TENM2: variants seen among roughly 807,000 people sequenced by gnomAD.
The protein encoded by TENM2 is teneurin transmembrane protein 2, also known as teneurin-2.
A neutral mutation model predicts 245.2 loss-of-function variants in TENM2; 52 were observed. The ratio of observed to expected loss-of-function variants is 0.21; its 90% CI spans 0.17 to 0.27. The LOEUF is 0.27. Ranked by LOEUF, TENM2 falls within the 10% of genes least tolerant of loss-of-function variation. The pLI is 1.00. For missense variants in TENM2, 3,046 were observed against 3,666.8 expected (o/e 0.83, Z 4.37); for synonymous variants, 1,363 against 1,438.9 (o/e 0.95, Z 1.19).
chr5:168,226,063 T>C, intron 23 of TENM2, 25 bp from the exon 26 acceptor site: 1 of 1,543,560 alleles, frequency 6.5e-7, no homozygotes, highest in Non-Finnish European at 8.8e-7. Context: ...AACCAGGGTT[T>C]ATCTATCTAT....
At chr5:167,755,281 A>C in intron 2 of TENM2, 1 of 942,262 alleles carries the variant, frequency 1.1e-6, no homozygotes. Flanking sequence ...TTAACCCTTC[A>C]GCGGATACCA....
intron 7 of TENM2, among the ~76,000 whole-genome samples, chr5:168,082,814 G>T (rs1443742564): frequency 6.6e-6 from 1 of 152,156 alleles, no homozygotes; most frequent in Non-Finnish European, 1.5e-5. Context: ...TCCTCTGGAA[G>T]CTTCGTCTCA....
At chr5:167,854,964 G>A (rs575488916) in intron 2 of TENM2, among the ~76,000 whole-genome samples, 15 of 152,124 alleles carry the variant, frequency 9.9e-5, no homozygotes, top group Admixed American at 5.9e-4. Context: ...GCATCCCTTG[G>A]GTTTGTTCTT....
chr5:167,137,380 G>A, the TENM2 span, among the ~76,000 whole-genome samples: 1 of 151,942 alleles, frequency 6.6e-6, no homozygotes, highest in Non-Finnish European at 1.5e-5. Flanking sequence ...TTTTATATCA[G>A]CACTGCATAA....
intron 1 of TENM2, among the ~76,000 whole-genome samples, chr5:167,301,874 G>T (rs181789883): frequency 4.6e-5 from 7 of 152,264 alleles, no homozygotes; most frequent in Admixed American, 4.6e-4. Flanking sequence ...ACTGTAAGCC[G>T]GACCGGGTGT....
At chr5:167,739,819 A>C (rs1283670577) in intron 2 of TENM2, among the ~76,000 whole-genome samples, 1 of 152,160 alleles carries the variant, frequency 6.6e-6, no homozygotes, top group Non-Finnish European at 1.5e-5. Flanking sequence ...CAGAGTTGAG[A>C]CATTACCTTG....
intron 2 of TENM2, among the ~76,000 whole-genome samples, chr5:167,437,193 G>A (rs965673197): frequency 1.1e-4 from 17 of 152,154 alleles, no homozygotes; most frequent in African/African-American, 3.9e-4. Context: ...CCACAGGGGT[G>A]GAGCTGCCCA....
At chr5:168,179,133 T>C (rs1319615654) in intron 13 of TENM2, among the ~76,000 whole-genome samples, 2 of 49,874 alleles carry the variant, frequency 4.0e-5, no homozygotes, top group Non-Finnish European at 6.8e-5. Context: ...AGACTCTGCC[T>C]GAAAAAAAAA....
chr5:167,713,267 G>C (rs1294428989), intron 2 of TENM2, among the ~76,000 whole-genome samples: 1 of 151,592 alleles, frequency 6.6e-6, no homozygotes, highest in East Asian at 1.9e-4. Flanking sequence ...TAACACTGGA[G>C]AGAAGTGCCA....
chr5:167,647,991 T>C (rs74321067), intron 2 of TENM2, among the ~76,000 whole-genome samples: 1,709 of 152,324 alleles, frequency 0.011, 25 homozygotes, highest in African/African-American at 0.039. Flanking sequence ...GTACAGATTT[T>C]CTCTGTCCAA....
the TENM2 span, among the ~76,000 whole-genome samples, chr5:167,065,472 G>A: frequency 2.6e-5 from 4 of 152,252 alleles, no homozygotes; most frequent in South Asian, 8.3e-4. Context: ...CCTGCATTGA[G>A]TCACTGTGTG....
chr5:168,001,081 A>C (rs1784387418), intron 5 of TENM2, among the ~76,000 whole-genome samples: 1 of 152,222 alleles, frequency 6.6e-6, no homozygotes, highest in Non-Finnish European at 1.5e-5. Context: ...TTAGGGTTAC[A>C]TCTGAGTTGT....
At chr5:168,032,599 C>A (rs1787240709) in intron 5 of TENM2, among the ~76,000 whole-genome samples, 1 of 152,214 alleles carries the variant, frequency 6.6e-6, no homozygotes, top group Non-Finnish European at 1.5e-5. Flanking sequence ...CACCCTGAAG[C>A]AGTTTTTGTC....
At chr5:168,140,831 A>G (rs999243118) in intron 12 of TENM2, among the ~76,000 whole-genome samples, 1 of 152,166 alleles carries the variant, frequency 6.6e-6, no homozygotes, top group South Asian at 2.1e-4. Context: ...ACAGAGCTAG[A>G]ATACGGCCCT....
At chr5:167,988,495 C>T (rs1468834361) in intron 4 of TENM2, among the ~76,000 whole-genome samples, 1 of 152,018 alleles carries the variant, frequency 6.6e-6, no homozygotes, top group East Asian at 1.9e-4. Flanking sequence ...TTGAAGGGGC[C>T]CAGGAAGATC....
At chr5:168,171,725 A>C (rs1350234418) in intron 13 of TENM2, among the ~76,000 whole-genome samples, 1 of 152,262 alleles carries the variant, frequency 6.6e-6, no homozygotes, top group Non-Finnish European at 1.5e-5. Flanking sequence ...TGACAAATCA[A>C]ATATCCATTA....
chr5:167,711,967 A>G (rs1286342520), intron 2 of TENM2, among the ~76,000 whole-genome samples: 2 of 152,236 alleles, frequency 1.3e-5, no homozygotes, highest in Non-Finnish European at 2.9e-5. Flanking sequence ...AAATTTACTC[A>G]TGGTACAAAT....
intron 2 of TENM2, among the ~76,000 whole-genome samples, chr5:167,569,504 T>TAAAAAAAAAAAA (rs1774138176): frequency 6.6e-6 from 1 of 152,130 alleles, no homozygotes; most frequent in Admixed American, 6.6e-5. Context: ...TGGATAAAAA[T>TAAAAAAAAAAAA]AACTAGAAGG....
chr5:167,135,100 AC>A, the TENM2 span, among the ~76,000 whole-genome samples: 1 of 152,074 alleles, frequency 6.6e-6, no homozygotes, highest in Admixed American at 6.6e-5. Flanking sequence ...GTTTAGAGGC[AC>A]CCCATAATAG....
Sources: allele counts gnomAD v4.1 joint callset (sites outside exome capture counted in the v4.1 genomes callset), GRCh38; gene constraint gnomAD v4.1.1; transcripts MANE v1.5; gene names NCBI Gene and HGNC (gene_info 2026-07-23, HGNC 2026-07-21).